The following RANBP9 variants were observed in gnomAD, a reference collection of about 807,000 sequenced individuals.
The protein encoded by RANBP9 is ran-binding protein 9.
In RANBP9, 15 loss-of-function variants were observed where a neutral mutation model predicts 84.3. The ratio of observed to expected loss-of-function variants is 0.18; its 90% CI spans 0.12 to 0.27. The LOEUF is 0.27. RANBP9 is among the 10% of genes least tolerant of loss of function. The pLI is 1.00. For missense variants in RANBP9, 809 were observed against 912.8 expected (o/e 0.89, Z 1.46); for synonymous variants, 392 against 349.6 (o/e 1.12, Z -1.35).
In RANBP9 at chr6:13,674,913, TAGTAAC is replaced by T. The variant is rs144517848; in HGVS notation, c.684-16087_684-16082del. Reference sequence around the variant, plus strand: ...TCAGTCTCATAATGATGGTCTCAAGTAGTAACAGTAATAACTGTCTCAGTGACAGTC... The same window carrying T: ...TCAGTCTCATAATGATGGTCTCAAGTAGTAATAACTGTCTCAGTGACAGTC... On this transcript the variant is annotated intron_variant, in intron 2 of 13. Coordinates refer to ENST00000011619, the MANE Select transcript of RANBP9 (RefSeq NM_005493.3). Among the ~76,000 whole-genome samples the T allele has an allele frequency of 3.3e-3, 498 of 152,278 alleles. 2 individuals carry two copies. Among genetic ancestry groups the T allele is most frequent in the African/African-American group, 0.012 (481 of 41,546 alleles).
chr6:13,658,705 A>C, intron 3 of RANBP9, 75 bp downstream of exon 3: 1 of 1,203,828 alleles, frequency 8.3e-7, no homozygotes, highest in Non-Finnish European at 1.2e-6. Flanking sequence ...TAAATATTAC[A>C]ATTTCTTACT....
At chr6:13,660,916 G>T (rs914440729) in intron 2 of RANBP9, among the ~76,000 whole-genome samples, 1 of 152,210 alleles carries the variant, frequency 6.6e-6, no homozygotes, top group Non-Finnish European at 1.5e-5. Context: ...GTCACAAGAA[G>T]ATGAGAAGAA....
intron 12 of RANBP9, among the ~76,000 whole-genome samples, chr6:13,631,458 T>C (rs894470969): frequency 2.6e-5 from 4 of 152,216 alleles, no homozygotes; most frequent in East Asian, 1.9e-4. Flanking sequence ...CCAATGAGCA[T>C]ATCCTTGTGT....
At position 13,653,334 on chromosome 6, in the gene RANBP9, G is replaced by A. The variant is rs141426303; in HGVS notation, c.905-653C>T. Among the ~76,000 whole-genome samples, 553 of 152,184 alleles carry A rather than the reference G, an allele frequency of 3.6e-3. 3 individuals are homozygous for A. The highest frequency in any genetic ancestry group is 0.013 in the African/African-American group (526 of 41,526). On this transcript the variant is annotated intron_variant, in intron 4 of 13. Coordinates refer to ENST00000011619, the MANE Select transcript of RANBP9 (RefSeq NM_005493.3). ...TGTTCTAGATACAACTTGAGCAATG[G>A]CAATATCATTGGAATAAGTCTACTG...
At chr6:13,644,290 C>T (rs949307084) in intron 6 of RANBP9, among the ~76,000 whole-genome samples, 8 of 152,114 alleles carry the variant, frequency 5.3e-5, no homozygotes, top group African/African-American at 2.4e-5. Context: ...GCCTAGGTGA[C>T]CTAACATCAT....
At chr6:13,637,676 T>C (rs1400267373) in intron 10 of RANBP9, 132 bp downstream of exon 10, 2 of 881,616 alleles carry the variant, frequency 2.3e-6, no homozygotes, top group East Asian at 5.6e-5. Flanking sequence ...TACGCTTTTA[T>C]TCTCTGGGGG....
At chr6:13,634,612 T>C in intron 10 of RANBP9, 60 bp from the exon 11 acceptor site, 1 of 1,484,168 alleles carries the variant, frequency 6.7e-7, no homozygotes, top group African/African-American at 1.4e-5. Flanking sequence ...TAGTTTAAAA[T>C]AAATCACTAC....
chr6:13,708,169 T>A (rs1007206672), intron 1 of RANBP9, among the ~76,000 whole-genome samples: 4 of 152,140 alleles, frequency 2.6e-5, no homozygotes, highest in Non-Finnish European at 5.9e-5. Context: ...GGCTTGTAAT[T>A]CCAGTACTTT....
intron 2 of RANBP9, among the ~76,000 whole-genome samples, chr6:13,662,343 T>C (rs1765553301): frequency 6.6e-6 from 1 of 152,100 alleles, no homozygotes; most frequent in Admixed American, 6.5e-5. Context: ...ACAAAAAAAT[T>C]TAAACCAGGT....
chr6:13,692,419 C>T (rs1010326678), intron 2 of RANBP9, among the ~76,000 whole-genome samples: 8 of 144,310 alleles, frequency 5.5e-5, no homozygotes, highest in East Asian at 4.3e-4. Flanking sequence ...TCCAGCTACT[C>T]GGAAGGCTGA....
chr6:13,706,327 G>A (rs551536360), intron 1 of RANBP9, among the ~76,000 whole-genome samples: 104 of 150,112 alleles, frequency 6.9e-4, no homozygotes, highest in African/African-American at 2.4e-3. Flanking sequence ...CTGGGCAACA[G>A]AGCAAGACTC....
chr6:13,667,555 T>C (rs1272585258), intron 2 of RANBP9, among the ~76,000 whole-genome samples: 1 of 152,244 alleles, frequency 6.6e-6, no homozygotes, highest in Non-Finnish European at 1.5e-5. Flanking sequence ...AAGATTATAA[T>C]GGAGCTGTTC....
intron 3 of RANBP9, among the ~76,000 whole-genome samples, chr6:13,657,601 ATTTTG>A (rs1214092828): frequency 6.6e-6 from 1 of 152,162 alleles, no homozygotes. Flanking sequence ...CACCAAAATA[ATTTTG>A]TTTTGATTTA....
chr6:13,677,591 T>A (rs1226351880), intron 2 of RANBP9, among the ~76,000 whole-genome samples: 2 of 152,176 alleles, frequency 1.3e-5, no homozygotes, highest in Non-Finnish European at 2.9e-5. Context: ...TACAGCAAGA[T>A]ACACTAGTAT....
intron 2 of RANBP9, among the ~76,000 whole-genome samples, chr6:13,666,621 A>G (rs929897923): frequency 6.9e-6 from 1 of 145,506 alleles, no homozygotes; most frequent in Non-Finnish European, 1.5e-5. Context: ...AAAAAAAAAA[A>G]AAAAAAAGAT....
At chr6:13,651,727 A>G (rs1765302218) in intron 5 of RANBP9, among the ~76,000 whole-genome samples, 1 of 151,988 alleles carries the variant, frequency 6.6e-6, no homozygotes, top group South Asian at 2.1e-4. Context: ...AAGCAATCAC[A>G]GTGATCCCAT....
intron 1 of RANBP9, among the ~76,000 whole-genome samples, chr6:13,705,406 C>CAAAAAAAA (rs774239782): frequency 2.6e-4 from 7 of 26,762 alleles, no homozygotes; most frequent in Non-Finnish European, 2.8e-4. Context: ...GATTCTGTCT[C>CAAAAAAAA]AAAAAAAAAA....
chr6:13,711,058 G>C lies in RANBP9; in HGVS notation c.448C>G (p.Arg150Gly). 6.3e-7 allele frequency: 1 copy of C among 1,586,266 alleles called. No individual in the cohort carries two copies. Among genetic ancestry groups the C allele is most frequent in the Non-Finnish European group, 8.6e-7 (1 of 1,166,748 alleles). ...ACGGCCGGGTAGAGACGCTTCAGCC[G>C]CCGCTGCAACTCCTTCTCCTGCTCG... ...LNEQEKELQR[R>G]LKRLYPAVDE... Residue 150 changes from arginine (R) to glycine (G), a missense_variant, in exon 1 of 14, where the codon CGG becomes GGG. This residue lies in a region of RANBP9 where 302 missense variants were observed against 240.1 expected (regional missense o/e 1.26). Coordinates refer to ENST00000011619, the MANE Select transcript of RANBP9 (RefSeq NM_005493.3).
chr6:13,629,913 CTCTCTCTCGTGT>C (rs1351913019), intron 12 of RANBP9, among the ~76,000 whole-genome samples: 4 of 125,054 alleles, frequency 3.2e-5, no homozygotes, highest in Admixed American at 7.9e-5. Context: ...CTCTCTCTCT[CTCTCTCTCGTGT>C]GTGTGTGTGT....
Sources: allele counts gnomAD v4.1 joint callset (sites outside exome capture counted in the v4.1 genomes callset), GRCh38; gene constraint gnomAD v4.1.1; regional missense constraint gnomAD v4.1.1; transcripts MANE v1.5; gene names NCBI Gene and HGNC (gene_info 2026-07-23, HGNC 2026-07-21).